YTHDC1: variants seen among roughly 807,000 people sequenced by gnomAD.
YTHDC1 encodes the protein YTH N6-methyladenosine RNA binding protein C1, also known as YTH domain-containing protein 1.
Under a neutral mutation model 107.0 loss-of-function variants are expected in YTHDC1, and 12 were observed. The observed-to-expected ratio is 0.11, with a 90% CI of 0.07 to 0.18. The LOEUF (loss-of-function observed/expected upper bound fraction) is 0.18. Ranked by LOEUF, YTHDC1 falls within the 10% of genes least tolerant of loss-of-function variation. The probability of loss-of-function intolerance (pLI) is 1.00; values close to 1 mark genes in which losing one functional copy is unlikely to be tolerated. For missense variants in YTHDC1, 635 were observed against 898.8 expected, an observed-to-expected ratio of 0.71 and a Z score of 3.75; for synonymous variants, 280 against 289.5, an observed-to-expected ratio of 0.97 and a Z score of 0.33.
At chr4:68,328,688 T>C (rs1470512740) in intron 9 of YTHDC1, among the ~76,000 whole-genome samples, 4 of 152,240 alleles carry the variant, frequency 2.6e-5, no homozygotes, top group East Asian at 1.9e-4. Flanking sequence ...TTTCTGCACA[T>C]AGCTTTTTGC....
intron 1 of YTHDC1, among the ~76,000 whole-genome samples, chr4:68,342,986 C>A (rs186705342): frequency 3.3e-5 from 5 of 152,210 alleles, no homozygotes; most frequent in Non-Finnish European, 7.4e-5. Flanking sequence ...GATATGTATA[C>A]TTTCAATTAC....
At chr4:68,316,506 T>C (rs1721875374) in intron 15 of YTHDC1, 58 bp from the exon 16 acceptor site, 2 of 1,561,538 alleles carry the variant, frequency 1.3e-6, no homozygotes, top group Admixed American at 1.9e-5. Flanking sequence ...AAACAAGCGA[T>C]TCTTAGAACC....
chr4:68,323,315 T>A (rs1722635786), intron 10 of YTHDC1, among the ~76,000 whole-genome samples: 1 of 152,238 alleles, frequency 6.6e-6, no homozygotes, highest in South Asian at 2.1e-4. Context: ...TGTATTGAAA[T>A]ACATTAGATT....
chr4:68,348,747 C>CA (rs754377165), intron 1 of YTHDC1, among the ~76,000 whole-genome samples: 2 of 152,022 alleles, frequency 1.3e-5, no homozygotes, highest in Admixed American at 6.6e-5. Flanking sequence ...CAACCCCCGA[C>CA]AAAAAAACCC....
At chr4:68,343,193 CT>C (rs142723529) in intron 1 of YTHDC1, among the ~76,000 whole-genome samples, 1 of 151,086 alleles carries the variant, frequency 6.6e-6, no homozygotes, top group African/African-American at 2.4e-5. Flanking sequence ...TTAAAAATCA[CT>C]TTTTTTTTAA....
At chr4:68,347,027 A>G (rs1029730524) in intron 1 of YTHDC1, among the ~76,000 whole-genome samples, 1 of 152,190 alleles carries the variant, frequency 6.6e-6, no homozygotes, top group African/African-American at 2.4e-5. Context: ...ATCATACTGC[A>G]CATGTCATTT....
rs150944030 is a variant in YTHDC1, at chr4:68,347,253, T to C, written c.28+2473A>G. ...AGATTAAACTTTTGTAACTGTTCTT[T>C]GTAGAGAACTTTGTAAAAGATTAAT... On this transcript the variant is annotated intron_variant, in intron 1 of 16. Coordinates refer to ENST00000344157, the MANE Select transcript of YTHDC1 (RefSeq NM_001031732.4). 4.6e-4 allele frequency among the ~76,000 whole-genome samples: 70 copies of C among 152,338 alleles called. 1 individual carries two copies. The East Asian group carries it at 0.012, about 27-fold the overall frequency.
In YTHDC1 at chr4:68,335,745, T is replaced by TA. The variant is rs888750361; in HGVS notation, c.883+1281dup. On this transcript the variant is annotated intron_variant, in intron 4 of 16. Transcript: ENST00000344157. The stretch of plus-strand genomic sequence containing the variant: ...ATGAAATATTTATTATCTTAAATTA[T>TA]AAAAAATATATCCTATCAGTTTGTA... 5.3e-5 allele frequency among the ~76,000 whole-genome samples: 8 copies of TA among 152,020 alleles called. 1 individual carries two copies. Among genetic ancestry groups the TA allele is most frequent in the Admixed American group, 6.5e-5 (1 of 15,272 alleles).
At chr4:68,326,175 T>A (rs1384893944) in intron 9 of YTHDC1, among the ~76,000 whole-genome samples, 1 of 152,124 alleles carries the variant, frequency 6.6e-6, no homozygotes, top group Non-Finnish European at 1.5e-5. Flanking sequence ...AGCAATTAAA[T>A]ACCCACGATC....
Position 68,333,315 on chromosome 4 carries a change from T to C in YTHDC1, c.966A>G (p.Ser322=). The part of the protein sequence containing the change: ...FDRSGSSASE[S]YAGSEKKHEK... The stretch of plus-strand genomic sequence containing the variant: ...ATCACAAAATGAGAATACCTGCATA[T>C]GACTCTGATGCAGAGCTTCCACTTC... Residue 322 remains serine (S), a synonymous_variant, in exon 5 of 17, where the codon TCA becomes TCG. Coordinates refer to ENST00000344157, the MANE Select transcript of YTHDC1 (RefSeq NM_001031732.4). 2 of 1,609,830 alleles carry C rather than the reference T, an allele frequency of 1.2e-6. No homozygotes were observed. Among genetic ancestry groups the C allele is most frequent in the Non-Finnish European group, 1.7e-6 (2 of 1,176,890 alleles).
chr4:68,325,747 A>G (rs542472231), intron 9 of YTHDC1, among the ~76,000 whole-genome samples: 2 of 152,256 alleles, frequency 1.3e-5, no homozygotes, highest in East Asian at 3.9e-4. Context: ...TTTCCAGGGA[A>G]ATAGAAGTAT....
intron 16 of YTHDC1, among the ~76,000 whole-genome samples, chr4:68,314,731 C>T (rs1449745641): frequency 6.6e-6 from 1 of 152,212 alleles, no homozygotes; most frequent in African/African-American, 2.4e-5. Context: ...CACAGGCTAG[C>T]TCTACATTTT....
In YTHDC1 at chr4:68,328,443, T is replaced by C. The variant is rs1723223287; in HGVS notation, c.1349+1559A>G. On this transcript the variant is annotated intron_variant, in intron 9 of 16. Coordinates refer to ENST00000344157, the MANE Select transcript of YTHDC1 (RefSeq NM_001031732.4). ...AACCAAGTTTATATTTTAAAACCCC[T>C]GGGGGCAACAGAGAGGAAGTGGGAG... 2.0e-5 allele frequency among the ~76,000 whole-genome samples: 3 copies of C among 152,184 alleles called. No homozygotes were observed. The South Asian group carries it at 6.2e-4, about 32-fold the overall frequency.
intron 16 of YTHDC1, among the ~76,000 whole-genome samples, chr4:68,314,973 C>A (rs1248216639): frequency 1.3e-5 from 2 of 152,064 alleles, no homozygotes; most frequent in Non-Finnish European, 2.9e-5. Context: ...TCCCACATTA[C>A]CTTTTATATA....
intron 9 of YTHDC1, among the ~76,000 whole-genome samples, chr4:68,328,535 T>C (rs1327417849): frequency 2.0e-5 from 3 of 152,242 alleles, no homozygotes; most frequent in Admixed American, 2.0e-4. Context: ...TTTTCATTTG[T>C]TATACCTTTC....
intron 2 of YTHDC1, 109 bp downstream of exon 2, chr4:68,338,174 T>A: frequency 1.5e-6 from 2 of 1,312,314 alleles, no homozygotes; most frequent in Non-Finnish European, 2.1e-6. Context: ...CATTTAGTGT[T>A]AACTGCCTCA....
intron 4 of YTHDC1, among the ~76,000 whole-genome samples, chr4:68,333,696 G>A (rs958826755): frequency 6.6e-6 from 1 of 151,972 alleles, no homozygotes; most frequent in South Asian, 2.1e-4. Flanking sequence ...AAGCGGGGGG[G>A]GAAATTTGCA....
chr4:68,319,933 T>C (rs1329900326), intron 12 of YTHDC1, among the ~76,000 whole-genome samples, 190 bp downstream of exon 12: 6 of 152,080 alleles, frequency 3.9e-5, no homozygotes, highest in Non-Finnish European at 8.8e-5. Context: ...TGGAATAGAC[T>C]AGACAACCTT....
intron 1 of YTHDC1, among the ~76,000 whole-genome samples, chr4:68,347,766 TAAGA>T (rs1374450845): frequency 6.6e-6 from 1 of 152,180 alleles, no homozygotes; most frequent in Non-Finnish European, 1.5e-5. Flanking sequence ...CACTTTTCCT[TAAGA>T]GAGGAAGACC....
Sources: gnomAD v4.1 joint callset for allele counts (sites outside exome capture counted in the v4.1 genomes callset) on GRCh38, gnomAD v4.1.1 for gene constraint, MANE v1.5 for transcripts, NCBI Gene and HGNC (gene_info 2026-07-23, HGNC 2026-07-21) for gene names.